DIP2C: variants seen among roughly 807,000 people sequenced by gnomAD.
The protein encoded by DIP2C is DIP2 acetate--CoA ligase C (putative), also known as disco-interacting protein 2 homolog C.
DIP2C carries 33 observed loss-of-function variants against 192.4 expected under a neutral mutation model. The observed-to-expected ratio is 0.17, with a 90% confidence interval of 0.13 to 0.23. DIP2C has a LOEUF of 0.23. Ranked by LOEUF, DIP2C falls within the 10% of genes least tolerant of loss-of-function variation. The pLI is 1.00. For missense variants in DIP2C, 1,537 were observed against 2,110.1 expected, an observed-to-expected ratio of 0.73 and a Z score of 5.32; for synonymous variants, 979 against 864.1, an observed-to-expected ratio of 1.13 and a Z score of -2.33.
At chr10:581,018 G>C (rs1468475255) in intron 1 of DIP2C, among the ~76,000 whole-genome samples, 1 of 152,210 alleles carries the variant, frequency 6.6e-6, no homozygotes, top group Non-Finnish European at 1.5e-5. Context: ...TATTCTGGCA[G>C]ATTATTCATT....
At chr10:672,902 A>G (rs577241194) in intron 1 of DIP2C, among the ~76,000 whole-genome samples, 2 of 152,246 alleles carry the variant, frequency 1.3e-5, no homozygotes, top group Non-Finnish European at 2.9e-5. Context: ...CATGACACAC[A>G]TAAAAAAAAA....
chr10:610,032 T>C (rs879290927), intron 1 of DIP2C, among the ~76,000 whole-genome samples: 47 of 152,126 alleles, frequency 3.1e-4, no homozygotes, highest in Non-Finnish European at 6.3e-4. Context: ...TGCTCCCAGC[T>C]TCAATGCAGC....
chr10:599,636 G>A (rs1458386478), intron 1 of DIP2C, among the ~76,000 whole-genome samples: 2 of 152,182 alleles, frequency 1.3e-5, no homozygotes, highest in Admixed American at 6.5e-5. Flanking sequence ...GGACCTTCCA[G>A]GTAACCCAGC....
chr10:622,396 G>GGGGA (rs1222150796), intron 1 of DIP2C, among the ~76,000 whole-genome samples: 2 of 132,260 alleles, frequency 1.5e-5, no homozygotes, highest in African/African-American at 5.7e-5. Context: ...GAGGGAGGAG[G>GGGGA]GGGAGGGAGG....
At chr10:369,972 T>C (rs1255576126) in intron 17 of DIP2C, 1 of 985,220 alleles carries the variant, frequency 1.0e-6, no homozygotes, top group African/African-American at 1.7e-5. Context: ...AGCTCTCTCT[T>C]TCCTCCCGGC....
In DIP2C at chr10:369,787, G is replaced by A; in HGVS notation, c.1992-154C>T. 1.4e-6 allele frequency: 2 copies of A among 1,391,974 alleles called. 1 individual carries two copies. The highest frequency in any genetic ancestry group is 2.5e-5 in the South Asian group (2 of 80,360). 86.2% of individuals were successfully genotyped at this position (1,391,974 alleles called of 1,614,324 possible). On this transcript the variant is annotated intron_variant, in intron 17 of 36. Transcript: ENST00000280886. ...TGGCTGCCCATGTGGCTGCATTAGG[G>A]GATGCTCGTTCTGTTTATGAACAGC...
At chr10:607,830 G>GT (rs1852609736) in intron 1 of DIP2C, among the ~76,000 whole-genome samples, 1 of 152,018 alleles carries the variant, frequency 6.6e-6, no homozygotes, top group South Asian at 2.1e-4. Flanking sequence ...ACTAAAATTA[G>GT]TTTAACAATC....
intron 2 of DIP2C, among the ~76,000 whole-genome samples, chr10:483,079 C>T (rs138943281): frequency 6.6e-6 from 1 of 152,352 alleles, no homozygotes; most frequent in East Asian, 1.9e-4. Flanking sequence ...GAGGCCCCGA[C>T]AGACGCTGCC....
intron 17 of DIP2C, 97 bp downstream of exon 17, chr10:382,550 C>T (rs1398779499): frequency 5.4e-6 from 5 of 919,454 alleles, no homozygotes; most frequent in Non-Finnish European, 8.6e-6. Context: ...TTTTCACCCT[C>T]ACCCTCAGCA....
intron 1 of DIP2C, among the ~76,000 whole-genome samples, chr10:655,815 A>G (rs61833016): frequency 0.11 from 1,854 of 17,162 alleles, no homozygotes; most frequent in South Asian, 0.14. Context: ...CCTATAGAAC[A>G]CTCTACTATT....
chr10:676,524 C>A (rs1379188938), intron 1 of DIP2C, among the ~76,000 whole-genome samples: 1 of 150,274 alleles, frequency 6.7e-6, no homozygotes, highest in East Asian at 1.9e-4. Flanking sequence ...AAGACTCCAG[C>A]AAAAATCTCT....
intron 3 of DIP2C, among the ~76,000 whole-genome samples, chr10:450,456 T>C (rs1035560145): frequency 6.6e-6 from 1 of 152,218 alleles, no homozygotes; most frequent in Admixed American, 6.5e-5. Flanking sequence ...ATTTCTCTCT[T>C]GGGCCACACT....
At chr10:531,205 C>CT (rs770141126) in intron 1 of DIP2C, among the ~76,000 whole-genome samples, 11 of 152,198 alleles carry the variant, frequency 7.2e-5, no homozygotes, top group Non-Finnish European at 1.6e-4. Context: ...TGTGCTGTGA[C>CT]TTTCCCCGTA....
At chr10:612,005 A>T (rs894760618) in intron 1 of DIP2C, among the ~76,000 whole-genome samples, 3 of 152,114 alleles carry the variant, frequency 2.0e-5, no homozygotes, top group African/African-American at 7.2e-5. Context: ...TAAAATCAAG[A>T]ATAACCCAGG....
At chr10:473,922 T>C (rs942201823) in intron 2 of DIP2C, among the ~76,000 whole-genome samples, 2 of 152,186 alleles carry the variant, frequency 1.3e-5, no homozygotes, top group African/African-American at 2.4e-5. Context: ...GTGGGTCTCA[T>C]GTATCAGGCT....
intron 1 of DIP2C, among the ~76,000 whole-genome samples, chr10:517,733 C>T (rs536334268): frequency 2.6e-5 from 4 of 152,182 alleles, no homozygotes; most frequent in South Asian, 4.1e-4. Context: ...TGACGGCTTA[C>T]AAACACAAGT....
chr10:324,669 T>C (rs979149296), intron 31 of DIP2C: 2 of 214,554 alleles, frequency 9.3e-6, no homozygotes, highest in Non-Finnish European at 1.9e-5. Context: ...TTAGCGGTCA[T>C]ATTGACAGAA....
intron 24 of DIP2C, among the ~76,000 whole-genome samples, chr10:354,061 G>T (rs1958954991): frequency 6.6e-6 from 1 of 152,182 alleles, no homozygotes; most frequent in African/African-American, 2.4e-5. Flanking sequence ...ACCCATGCCT[G>T]ATCTGATGCT....
At chr10:670,209 C>A (rs923711902) in intron 1 of DIP2C, among the ~76,000 whole-genome samples, 1 of 152,268 alleles carries the variant, frequency 6.6e-6, no homozygotes, top group East Asian at 1.9e-4. Context: ...CACATGTATG[C>A]ACACATACGC....
Sources: allele counts gnomAD v4.1 joint callset (sites outside exome capture counted in the v4.1 genomes callset), GRCh38; gene constraint gnomAD v4.1.1; transcripts MANE v1.5; gene names NCBI Gene and HGNC (gene_info 2026-07-23, HGNC 2026-07-21).